Variants in ENDOV observed in about 807,000 individuals in gnomAD.
The protein encoded by ENDOV is endonuclease V, also known as hEndoV.
ENDOV carries 37 observed loss-of-function variants against 39.4 expected under a neutral mutation model. The observed-to-expected ratio is 0.94, with a 90% CI of 0.72 to 1.23. ENDOV has a LOEUF of 1.23. Ranked by LOEUF, ENDOV falls within the 50% of genes most tolerant of loss-of-function variation. The pLI is 0.00. For synonymous variants in ENDOV, 186 were observed against 163.4 expected (o/e 1.14, Z -1.05); for missense variants, 441 against 375.7 (o/e 1.17, Z -1.44).
chr17:80,416,420 C>G (rs1220302493), intron 2 of ENDOV, among the ~76,000 whole-genome samples: 1 of 152,092 alleles, frequency 6.6e-6, no homozygotes, highest in East Asian at 1.9e-4. Context: ...AGCTGGAGAT[C>G]TGCATCCTCC....
rs2083635821 is a variant in ENDOV, at chr17:80,437,647, G to C, written c.*1504G>C. On this transcript the variant is annotated 3_prime_UTR_variant, in exon 10 of 10. Coordinates refer to ENST00000518137, the MANE Select transcript of ENDOV (RefSeq NM_173627.5). ...GTGTCAGCAGCAAACCTAAGTGTGT[G>C]CTCATTTCTGTGGGCCCTTACTCTG... 1 of 152,314 alleles carries C rather than the reference G, an allele frequency of 6.6e-6. No homozygotes were observed. Among genetic ancestry groups the C allele is most frequent in the Non-Finnish European group, 1.5e-5 (1 of 68,052 alleles). 9.4% of individuals were successfully genotyped at this position (152,314 alleles called of 1,614,324 possible). A position where few individuals can be genotyped will look rare whatever the true frequency, so the allele number is the denominator to read the frequency against.
rs2081041223 is a variant in ENDOV, at chr17:80,415,784, G to C, written c.191G>C (p.Cys64Ser). ...GTGAAAGGGGACAGTGTCCGCGCTT[G>C]TGCTTCCCTGGTGGTGCTCAGCTTC... The part of the protein sequence containing the change: ...SFVKGDSVRA[C>S]ASLVVLSFPE... The change falls in exon 2 of 10, where the codon TGT becomes TCT. Residue 64 changes from cysteine to serine, a missense_variant. By Grantham distance (112) the Cys-to-Ser change is moderately radical. Transcript: ENST00000518137. The C allele has an allele frequency of 1.2e-6, 2 of 1,603,234 alleles. No homozygotes were observed. The highest frequency in any genetic ancestry group is 1.1e-5 in the South Asian group (1 of 89,076).
At chr17:80,419,252 T>A (rs558918491) in intron 2 of ENDOV, among the ~76,000 whole-genome samples, 5 of 151,586 alleles carry the variant, frequency 3.3e-5, no homozygotes, top group African/African-American at 1.2e-4. Flanking sequence ...AGCATAAGAA[T>A]CTGCTTTTTA....
In ENDOV at chr17:80,415,668, G is replaced by C; in HGVS notation, c.75G>C (p.Lys25Asn). The stretch of plus-strand genomic sequence containing the variant: ...CTCCTAGGGAGCAAGCTCGGCTGAA[G>C]GCCCACGTCGTAGACCGGGACACCG... ...SLWKREQARL[K>N]AHVVDRDTEA... The change falls in exon 2 of 10, where the codon AAG becomes AAC. Residue 25 changes from lysine to asparagine, a missense_variant. Lys to Asn is a moderately conservative substitution (Grantham distance 94). Transcript: ENST00000518137. The C allele has an allele frequency of 6.2e-7, 1 of 1,612,664 alleles. No homozygotes were observed. The highest frequency in any genetic ancestry group is 1.1e-5 in the South Asian group (1 of 90,764).
intron 5 of ENDOV, chr17:80,424,318 A>G (rs2082421654): frequency 2.5e-6 from 1 of 399,454 alleles, no homozygotes; most frequent in African/African-American, 2.1e-5. Flanking sequence ...GAGCCAGTCC[A>G]CCGCCGCCAG....
chr17:80,423,380 G>C (rs904838073), intron 4 of ENDOV, 140 bp from the exon 5 acceptor site: 1 of 802,198 alleles, frequency 1.2e-6, no homozygotes, highest in Non-Finnish European at 1.9e-6. Context: ...TTGGGACTTA[G>C]ATCTGGTTTC....
chr17:80,421,729 G>A (rs2082058117), intron 2 of ENDOV, 99 bp from the exon 3 acceptor site: 10 of 1,465,212 alleles, frequency 6.8e-6, no homozygotes, highest in Non-Finnish European at 8.3e-6. Context: ...GGTGACGTAA[G>A]GGAGAGGGAA....
intron 7 of ENDOV, among the ~76,000 whole-genome samples, chr17:80,427,257 TC>T (rs1170809065): frequency 6.6e-6 from 1 of 152,214 alleles, no homozygotes; most frequent in Non-Finnish European, 1.5e-5. Flanking sequence ...CGTGTGGTCT[TC>T]CGAGAGAGAA....
intron 5 of ENDOV, among the ~76,000 whole-genome samples, chr17:80,424,554 G>T (rs148812794): frequency 6.6e-6 from 1 of 152,222 alleles, no homozygotes. Flanking sequence ...CCACTTCACC[G>T]CCTGCACGCT....
intron 9 of ENDOV, among the ~76,000 whole-genome samples, chr17:80,431,357 G>C (rs545299688): frequency 6.6e-6 from 1 of 152,328 alleles, no homozygotes; most frequent in South Asian, 2.1e-4. Context: ...CTCTGGAAAA[G>C]AGGCCCAGGC....
At chr17:80,435,378 C>G (rs1484477046) in intron 9 of ENDOV, among the ~76,000 whole-genome samples, 1 of 152,188 alleles carries the variant, frequency 6.6e-6, no homozygotes, top group African/African-American at 2.4e-5. Context: ...AGTCTTTGAT[C>G]CATTTTGACT....
In ENDOV at chr17:80,415,711, C is replaced by G. The variant is rs750197418; in HGVS notation, c.118C>G (p.Pro40Ala). Reference protein sequence around the residue: ...DRDTEAWQRDPAFSGLQRVGG... With the variant: ...DRDTEAWQRDAAFSGLQRVGG... The stretch of plus-strand genomic sequence containing the variant: ...GGACACCGAGGCGTGGCAGCGAGAC[C>G]CCGCCTTCTCGGGTCTGCAGAGGGT... The change falls in exon 2 of 10, where the codon CCC becomes GCC. Residue 40 changes from proline (P) to alanine (A), a missense_variant. Physicochemically the swap from Pro to Ala is conservative, Grantham distance 27. Coordinates refer to ENST00000518137, the MANE Select transcript of ENDOV (RefSeq NM_173627.5). The G allele has an allele frequency of 1.4e-5, 23 of 1,610,714 alleles. No homozygotes were observed. Among genetic ancestry groups the G allele is most frequent in the Non-Finnish European group, 2.0e-5 (23 of 1,178,674 alleles).
chr17:80,426,929 C>T (rs1273989314), intron 7 of ENDOV, among the ~76,000 whole-genome samples: 1 of 152,246 alleles, frequency 6.6e-6, no homozygotes, highest in Non-Finnish European at 1.5e-5. Context: ...GTGTCTGCCC[C>T]TTCCCCATCT....
At chr17:80,426,261 C>G (rs188116709) in intron 7 of ENDOV, among the ~76,000 whole-genome samples, 16 of 152,266 alleles carry the variant, frequency 1.1e-4, no homozygotes, top group African/African-American at 2.2e-4. Flanking sequence ...CCAGAGAAGC[C>G]CACAGAGTGA....
intron 2 of ENDOV, among the ~76,000 whole-genome samples, chr17:80,421,350 G>T (rs963444008): frequency 6.6e-6 from 1 of 151,374 alleles, no homozygotes; most frequent in Admixed American, 6.6e-5. Flanking sequence ...GGTCCTGGGG[G>T]CTCCTCATAC....
chr17:80,435,989 A>T, intron 9 of ENDOV, 144 bp from the exon 10 acceptor site: 1 of 885,712 alleles, frequency 1.1e-6, no homozygotes, highest in Non-Finnish European at 1.8e-6. Flanking sequence ...TCCTGGGCTC[A>T]AGCTTTCCTC....
chr17:80,431,985 A>C (rs963285698), intron 9 of ENDOV, among the ~76,000 whole-genome samples: 3 of 151,946 alleles, frequency 2.0e-5, no homozygotes, highest in African/African-American at 7.3e-5. Flanking sequence ...CTCTAGCTCA[A>C]GTTGGGAGGG....
At chr17:80,435,021 T>C (rs1017998719) in intron 9 of ENDOV, among the ~76,000 whole-genome samples, 1 of 152,248 alleles carries the variant, frequency 6.6e-6, no homozygotes, top group Non-Finnish European at 1.5e-5. Context: ...TTCTCATGTC[T>C]AGTAACCATT....
rs767179610 is a variant in ENDOV, at chr17:80,415,801, C to G, written c.208C>G (p.Leu70Val). Residue 70 changes from leucine (L) to valine (V), a missense_variant, in exon 2 of 10, where the codon CTC becomes GTC. By Grantham distance (32) the Leu-to-Val change is conservative. Coordinates refer to ENST00000518137, the MANE Select transcript of ENDOV (RefSeq NM_173627.5). Reference protein sequence around the residue: ...SVRACASLVVLSFPELEVVYE... With the variant: ...SVRACASLVVVSFPELEVVYE... ...CCGCGCTTGTGCTTCCCTGGTGGTG[C>G]TCAGCTTCCCTGAGCTCGAGGTAAC... is the stretch of plus-strand genomic sequence containing the variant. The G allele has an allele frequency of 2.5e-6, 4 of 1,598,458 alleles. No homozygotes were observed. The Admixed American group carries it at 6.9e-5, about 28-fold the overall frequency.
Sources: gnomAD v4.1 joint callset for allele counts (sites outside exome capture counted in the v4.1 genomes callset) on GRCh38, gnomAD v4.1.1 for gene constraint, MANE v1.5 for transcripts, NCBI Gene and HGNC (gene_info 2026-07-23, HGNC 2026-07-21) for gene names.